The following PRICKLE2 variants were observed in gnomAD, a reference collection of about 807,000 sequenced individuals.
PRICKLE2 encodes the protein prickle planar cell polarity protein 2.
A neutral mutation model predicts 81.4 loss-of-function variants in PRICKLE2; 21 were observed. The ratio of observed to expected loss-of-function variants is 0.26; its 90% CI spans 0.18 to 0.37. The LOEUF is 0.37. Among genes scored for constraint, PRICKLE2 ranks in the 10% least tolerant of loss-of-function variants. The pLI, the probability that PRICKLE2 is intolerant of heterozygous loss-of-function variation, is 1.00. For missense variants in PRICKLE2, 940 were observed against 1,109.0 expected (o/e 0.85, Z 2.16); for synonymous variants, 456 against 421.5 (o/e 1.08, Z -1.00).
rs1414535009 is a variant in PRICKLE2, at chr3:64,096,403, G to C, written c.*2648C>G. 6.6e-6 allele frequency: 1 copy of C among 152,184 alleles called. No homozygotes were observed. The highest frequency in any genetic ancestry group is 1.5e-5 in the Non-Finnish European group (1 of 68,034). The allele number at this position is 152,184 out of a possible 1,614,324, so 9.4% of individuals were successfully genotyped here. On this transcript the variant is annotated 3_prime_UTR_variant, in exon 8 of 8. Transcript: ENST00000638394. The stretch of plus-strand genomic sequence containing the variant: ...TGGGATTCTGGGATGTGATGTGTGA[G>C]CTATCACTAGCAGGCAGAATTCCAA...
chr3:64,190,017 G>A (rs1385232567), intron 2 of PRICKLE2, among the ~76,000 whole-genome samples: 1 of 152,166 alleles, frequency 6.6e-6, no homozygotes, highest in Non-Finnish European at 1.5e-5. Flanking sequence ...CTCCATTCGT[G>A]TCTCCCCAGT....
rs2077059739 is a variant in PRICKLE2, at chr3:64,123,430, AT to A, written c.1660+23399del. 3.3e-5 allele frequency among the ~76,000 whole-genome samples: 5 copies of A among 152,312 alleles called. No homozygotes were observed. In the South Asian group the frequency reaches 1.0e-3, roughly 32 times the overall value. ...CTCAAGGGAGCATTTCAAGTTTTGGATTTTTAGATTAGTGATGCTCAACTGG... is the reference window on the plus strand; with the variant it reads ...CTCAAGGGAGCATTTCAAGTTTTGGATTTTAGATTAGTGATGCTCAACTGG... On this transcript the variant is annotated intron_variant, in intron 7 of 7. Coordinates refer to ENST00000638394, the MANE Select transcript of PRICKLE2 (RefSeq NM_198859.4).
At chr3:64,188,093 G>C (rs138468704) in intron 2 of PRICKLE2, among the ~76,000 whole-genome samples, 16 of 152,328 alleles carry the variant, frequency 1.1e-4, no homozygotes, top group Admixed American at 3.9e-4. Context: ...CCCTTCATCC[G>C]TATCTGCACG....
intron 2 of PRICKLE2, among the ~76,000 whole-genome samples, chr3:64,176,891 G>C (rs951656057): frequency 3.3e-5 from 5 of 152,152 alleles, no homozygotes; most frequent in East Asian, 1.9e-4. Flanking sequence ...CAAAAGATCA[G>C]TGAAGGTAAT....
chr3:64,137,879 TG>T (rs1163565404), intron 7 of PRICKLE2, among the ~76,000 whole-genome samples: 11 of 152,094 alleles, frequency 7.2e-5, no homozygotes, highest in Non-Finnish European at 1.6e-4. Context: ...AGTCAGAAGG[TG>T]CTCCTTAGGA....
At chr3:64,107,053 C>T (rs2076767238) in intron 7 of PRICKLE2, among the ~76,000 whole-genome samples, 1 of 152,142 alleles carries the variant, frequency 6.6e-6, no homozygotes, top group Non-Finnish European at 1.5e-5. Flanking sequence ...GAGTTAAACG[C>T]AGTGATTTAT....
At chr3:64,106,728 TTTTTC>T (rs1575542072) in intron 7 of PRICKLE2, among the ~76,000 whole-genome samples, 1 of 152,182 alleles carries the variant, frequency 6.6e-6, no homozygotes, top group South Asian at 2.1e-4. Flanking sequence ...AATAAACACA[TTTTTC>T]TTTTCTTGTT....
chr3:64,174,729 G>T (rs1197221049), intron 2 of PRICKLE2: 2 of 206,922 alleles, frequency 9.7e-6, no homozygotes, highest in South Asian at 9.4e-5. Context: ...TGCTGTTAGT[G>T]ATAAAGAATG....
intron 2 of PRICKLE2, among the ~76,000 whole-genome samples, chr3:64,234,547 T>C (rs944177443): frequency 1.3e-5 from 2 of 152,218 alleles, no homozygotes; most frequent in African/African-American, 4.8e-5. Flanking sequence ...TCCTTGTATA[T>C]TCTGGGAACA....
chr3:64,231,698 T>C (rs1381812), intron 2 of PRICKLE2, among the ~76,000 whole-genome samples: 99,273 of 152,112 alleles, frequency 0.65, 35,542 homozygotes, highest in Non-Finnish European at 0.8. Flanking sequence ...AACTAAAATA[T>C]TGTTTTTCTA....
intron 2 of PRICKLE2, among the ~76,000 whole-genome samples, chr3:64,241,194 G>C (rs925767637): frequency 2.6e-5 from 4 of 152,188 alleles, no homozygotes; most frequent in Non-Finnish European, 4.4e-5. Flanking sequence ...ACAAGTTGTA[G>C]TTTCCCAACT....
At chr3:64,218,283 A>G (rs1283917295) in intron 1 of PRICKLE2, among the ~76,000 whole-genome samples, 1 of 152,212 alleles carries the variant, frequency 6.6e-6, no homozygotes, top group Non-Finnish European at 1.5e-5. Context: ...TTTTTTACTT[A>G]AAAACAATAA....
intron 7 of PRICKLE2, among the ~76,000 whole-genome samples, chr3:64,137,853 G>A (rs533079218): frequency 6.6e-6 from 1 of 152,252 alleles, no homozygotes; most frequent in Admixed American, 6.5e-5. Context: ...CAGCTTCCTT[G>A]GGGATCTATG....
chr3:64,177,974 CCAAA>C (rs2078055254), intron 2 of PRICKLE2, among the ~76,000 whole-genome samples: 1 of 152,130 alleles, frequency 6.6e-6, no homozygotes, highest in African/African-American at 2.4e-5. Context: ...AGAGAAACTG[CCAAA>C]CAGTGCTCCA....
At chr3:64,207,276 C>T (rs772133903) in intron 1 of PRICKLE2, among the ~76,000 whole-genome samples, 106 of 152,232 alleles carry the variant, frequency 7.0e-4, no homozygotes, top group Non-Finnish European at 8.8e-4. Flanking sequence ...TTATTACTTC[C>T]TTATCCTTAA....
At chr3:64,161,861 C>T (rs767630624) in intron 3 of PRICKLE2, among the ~76,000 whole-genome samples, 6 of 152,216 alleles carry the variant, frequency 3.9e-5, no homozygotes, top group African/African-American at 7.2e-5. Flanking sequence ...TGTAAAAACC[C>T]GCATTTTCAC....
rs186960434 is a variant in PRICKLE2, at chr3:64,202,488, T to G, written c.-40-3521A>C. On this transcript the variant is annotated intron_variant, in intron 1 of 7. Transcript: ENST00000638394. Reference sequence around the variant, plus strand: ...CACTTCTTTTAAGTTTATTCTTAAGTATTTTATTCTTTTTGATGCTACTGT... The same window carrying G: ...CACTTCTTTTAAGTTTATTCTTAAGGATTTTATTCTTTTTGATGCTACTGT... 3.4e-3 allele frequency among the ~76,000 whole-genome samples: 512 copies of G among 152,322 alleles called. 1 individual carries two copies. Among genetic ancestry groups the G allele is most frequent in the Non-Finnish European group, 5.0e-3 (339 of 68,014 alleles).
chr3:64,257,180 A>G (rs983227558), intron 2 of PRICKLE2, among the ~76,000 whole-genome samples: 5 of 152,196 alleles, frequency 3.3e-5, no homozygotes, highest in African/African-American at 1.2e-4. Context: ...GCCTTCCCCT[A>G]TATAAGAAAA....
intron 7 of PRICKLE2, among the ~76,000 whole-genome samples, chr3:64,135,717 C>T (rs1448288698): frequency 6.6e-6 from 1 of 151,644 alleles, no homozygotes; most frequent in African/African-American, 2.4e-5. Context: ...CACACACACA[C>T]ACACACGCAC....
Sources: gnomAD v4.1 joint callset for allele counts (sites outside exome capture counted in the v4.1 genomes callset) on GRCh38, gnomAD v4.1.1 for gene constraint, MANE v1.5 for transcripts, NCBI Gene and HGNC (gene_info 2026-07-23, HGNC 2026-07-21) for gene names.